Variants in KAZN observed in about 807,000 individuals in gnomAD.
The protein encoded by KAZN is kazrin.
A neutral mutation model predicts 87.4 loss-of-function variants in KAZN; 40 were observed. That is an observed-to-expected ratio of 0.46 (90% CI 0.36 to 0.60). KAZN has a LOEUF of 0.60. KAZN is among the 20% of genes least tolerant of loss of function. The pLI is 0.00. For synonymous variants in KAZN, 466 were observed against 458.3 expected (o/e 1.02, Z -0.22); for missense variants, 898 against 1,073.9 (o/e 0.84, Z 2.29).
At chr1:14,278,128 C>T (rs1459162372) in intron 2 of KAZN, among the ~76,000 whole-genome samples, 5 of 146,572 alleles carry the variant, frequency 3.4e-5, no homozygotes, top group African/African-American at 1.3e-4. Context: ...CAAGATCGCG[C>T]CACTGCACTC....
chr1:14,441,498 G>A (rs1358081462), intron 2 of KAZN, among the ~76,000 whole-genome samples: 5 of 152,178 alleles, frequency 3.3e-5, no homozygotes, highest in African/African-American at 1.2e-4. Context: ...AGTCCTCCAG[G>A]TGATTCTGAG....
intron 1 of KAZN, among the ~76,000 whole-genome samples, chr1:14,689,954 G>C (rs986108167): frequency 4.6e-5 from 7 of 152,194 alleles, no homozygotes; most frequent in African/African-American, 1.7e-4. Context: ...GCATCTGAGT[G>C]CCTGCAGGGT....
At chr1:14,840,223 T>C (rs1279457644) in intron 1 of KAZN, among the ~76,000 whole-genome samples, 2 of 152,196 alleles carry the variant, frequency 1.3e-5, no homozygotes, top group African/African-American at 4.8e-5. Context: ...GATTATTGCT[T>C]TTATTTAAAT....
At chr1:13,972,276 CTTTTTTTTTT>C (rs546200121) in intron 1 of KAZN, among the ~76,000 whole-genome samples, 4 of 141,196 alleles carry the variant, frequency 2.8e-5, no homozygotes, top group African/African-American at 5.2e-5. Flanking sequence ...TTTTTCTTTT[CTTTTTTTTTT>C]TTTTTGAGAC....
intron 1 of KAZN, among the ~76,000 whole-genome samples, chr1:13,923,572 C>CA (rs58947999): frequency 0.029 from 1,621 of 55,780 alleles, 32 homozygotes; most frequent in African/African-American, 0.069. Flanking sequence ...GACTCCATCT[C>CA]AAAAAAAAAA....
intron 1 of KAZN, among the ~76,000 whole-genome samples, chr1:14,149,632 G>A (rs1168369823): frequency 6.6e-6 from 1 of 152,116 alleles, no homozygotes; most frequent in Non-Finnish European, 1.5e-5. Context: ...ATATCTCATG[G>A]AAATTTGCTG....
intron 1 of KAZN, among the ~76,000 whole-genome samples, chr1:14,832,637 G>T (rs948823849): frequency 3.3e-5 from 5 of 152,138 alleles, no homozygotes; most frequent in African/African-American, 1.2e-4. Flanking sequence ...AAATCACAAT[G>T]CCCTAAAAAA....
chr1:13,939,157 A>G (rs540308379), intron 1 of KAZN, among the ~76,000 whole-genome samples: 1 of 152,264 alleles, frequency 6.6e-6, no homozygotes, highest in East Asian at 1.9e-4. Flanking sequence ...TCCTCTTCTG[A>G]TAATGCTTTG....
At chr1:14,840,244 G>A (rs1354696775) in intron 1 of KAZN, among the ~76,000 whole-genome samples, 1 of 152,122 alleles carries the variant, frequency 6.6e-6, no homozygotes. Context: ...AATAGCCATT[G>A]AAATGATTAG....
chr1:13,903,128 A>G lies in KAZN; in HGVS notation c.91+9372A>G, dbSNP rs114417048. ...AAGATTATAAAAGTCTTGCTGTAAA[A>G]TGCTTTGAAAATATAAAATTATATA... On this transcript the variant is annotated intron_variant, in intron 1 of 16. Transcript: ENST00000636203. Among the ~76,000 whole-genome samples, 132 of 152,344 alleles carry G rather than the reference A, an allele frequency of 8.7e-4. 1 individual carries two copies. Among genetic ancestry groups the G allele is most frequent in the African/African-American group, 3.0e-3 (125 of 41,584 alleles).
chr1:14,478,274 A>AAGGAAGGAAGAAAGGAAGGAAGGAAGG (rs1553178148), intron 2 of KAZN, among the ~76,000 whole-genome samples: 1 of 111,404 alleles, frequency 9.0e-6, no homozygotes, highest in Non-Finnish European at 2.1e-5. Context: ...AGGAAGGAAG[A>AAGGAAGGAAGAAAGGAAGGAAGGAAGG]AAGGAAGGAA....
At position 14,622,415 on chromosome 1, in the gene KAZN, G is replaced by A. The variant is rs1397978669; in HGVS notation, c.226+23192G>A. 2.6e-5 allele frequency among the ~76,000 whole-genome samples: 4 copies of A among 152,140 alleles called. No individual in the cohort carries two copies. The East Asian group carries it at 7.7e-4, about 29-fold the overall frequency. The stretch of plus-strand genomic sequence containing the variant: ...TGTTTTTTGAAAATATTAAGGCCAG[G>A]CGTGGTGGCTCATGCCTGTAATCCC... On this transcript the variant is annotated intron_variant, in intron 1 of 14. Coordinates refer to ENST00000376030, the MANE Select transcript of KAZN (RefSeq NM_201628.3).
intron 2 of KAZN, among the ~76,000 whole-genome samples, chr1:14,344,846 T>C (rs1469303379): frequency 1.3e-5 from 2 of 151,888 alleles, no homozygotes; most frequent in Non-Finnish European, 2.9e-5. Flanking sequence ...TTAACTCATG[T>C]AAATGAGAGT....
intron 1 of KAZN, among the ~76,000 whole-genome samples, chr1:14,663,052 C>T (rs780302536): frequency 6.6e-6 from 1 of 151,368 alleles, no homozygotes; most frequent in Non-Finnish European, 1.5e-5. Context: ...CTCACTGTAG[C>T]CTTGACCTCC....
At chr1:14,630,886 G>T (rs528502074) in intron 1 of KAZN, among the ~76,000 whole-genome samples, 15 of 152,110 alleles carry the variant, frequency 9.9e-5, no homozygotes, top group Non-Finnish European at 1.6e-4. Flanking sequence ...TATTTTGAAG[G>T]GTTGTTGCAA....
chr1:14,869,297 G>C (rs56208113), intron 1 of KAZN, among the ~76,000 whole-genome samples: 1 of 152,000 alleles, frequency 6.6e-6, no homozygotes, highest in Non-Finnish European at 1.5e-5. Flanking sequence ...GTGAGCTCGC[G>C]ACCTTTCATT....
chr1:14,892,071 C>T (rs117824815), intron 1 of KAZN, among the ~76,000 whole-genome samples: 1 of 152,218 alleles, frequency 6.6e-6, no homozygotes, highest in Middle Eastern at 3.4e-3. Flanking sequence ...GTGGTGCAGA[C>T]CCCTGAAGTA....
At chr1:14,793,164 CAG>C (rs1368596189) in intron 1 of KAZN, among the ~76,000 whole-genome samples, 1 of 152,008 alleles carries the variant, frequency 6.6e-6, no homozygotes, top group Non-Finnish European at 1.5e-5. Context: ...AGGATGGAGG[CAG>C]AGACCAGTTA....
chr1:14,634,680 G>A (rs1679832042), intron 1 of KAZN, among the ~76,000 whole-genome samples: 1 of 152,182 alleles, frequency 6.6e-6, no homozygotes, highest in African/African-American at 2.4e-5. Context: ...TGTTACTTGA[G>A]TTGCCTTCTG....
Sources: allele counts gnomAD v4.1 joint callset (sites outside exome capture counted in the v4.1 genomes callset), GRCh38; gene constraint gnomAD v4.1.1; transcripts MANE v1.5; gene names NCBI Gene and HGNC (gene_info 2026-07-23, HGNC 2026-07-21).